Variants in HEPH observed in about 807,000 individuals in gnomAD.
The protein encoded by HEPH is hephaestin.
In HEPH, 69 loss-of-function variants were observed where a neutral mutation model predicts 80.8. The ratio of observed to expected loss-of-function variants is 0.85; its 90% CI spans 0.70 to 1.04. The LOEUF (loss-of-function observed/expected upper bound fraction) is 1.04, where lower values mean the gene tolerates loss of function less well. Ranked by LOEUF, HEPH falls within the 50% of genes least tolerant of loss-of-function variation. HEPH has a pLI of 0.00. For synonymous variants in HEPH, 431 were observed against 322.8 expected (o/e 1.34, Z -3.60); for missense variants, 1,115 against 891.3 (o/e 1.25, Z -3.20).
intron 4 of HEPH, among the ~76,000 whole-genome samples, chrX:66,176,542 A>T (rs927987990): frequency 9.0e-6 from 1 of 111,243 alleles, no homozygotes; most frequent in Non-Finnish European, 1.9e-5. Flanking sequence ...GTACATGTGC[A>T]CAATGTACAG....
intron 15 of HEPH, among the ~76,000 whole-genome samples, chrX:66,234,097 T>A (rs2090263284): frequency 9.1e-6 from 1 of 110,270 alleles, no homozygotes; most frequent in African/African-American, 3.3e-5. Context: ...GTGTCTGTTG[T>A]TCCCTGATAT....
Position 66,197,870 on chromosome X carries a change from T to A in HEPH, c.1689T>A (p.Gly563=). ...LVGPLLVCRA[G]ALGADGKQKG... is the part of the protein sequence containing the mutation. ...GCCCGCTGCTGGTGTGCAGGGCTGG[T>A]GCCTTGGGTGCAGATGGCAAGCAGG... is the stretch of plus-strand genomic sequence containing the variant. Residue 563 remains glycine (G), a synonymous_variant, in exon 10 of 21, where the codon GGT becomes GGA. Coordinates refer to ENST00000343002, the MANE Select transcript of HEPH (RefSeq NM_001367233.3). 8.3e-7 allele frequency: 1 copy of A among 1,202,278 alleles called. No homozygotes were observed.
intron 9 of HEPH, among the ~76,000 whole-genome samples, chrX:66,195,809 A>G (rs1826125738): frequency 1.8e-5 from 2 of 111,965 alleles, no homozygotes; most frequent in South Asian, 7.4e-4. Context: ...GAATGCATAT[A>G]TCCTAGCTTG....
downstream of HEPH, chrX:66,268,719 A>G (rs970971821): frequency 4.5e-5 from 5 of 111,746 alleles, no homozygotes; most frequent in African/African-American, 1.6e-4. Context: ...GTCAAGGAAT[A>G]GAAACTCAGA....
chrX:66,179,976 A>G (rs192576413), intron 4 of HEPH, among the ~76,000 whole-genome samples: 37 of 110,412 alleles, frequency 3.4e-4, no homozygotes, highest in Non-Finnish European at 5.7e-4. Context: ...GTGAGTCCTT[A>G]TGTGTTAGGT....
chrX:66,163,668 C>T (rs558164634), upstream of HEPH, among the ~76,000 whole-genome samples: 2 of 111,214 alleles, frequency 1.8e-5, no homozygotes, highest in African/African-American at 6.5e-5. Flanking sequence ...GTGGTGGTTT[C>T]ATGGTTAAAA....
intron 4 of HEPH, among the ~76,000 whole-genome samples, chrX:66,186,564 G>A (rs907085621): frequency 1.2e-4 from 13 of 112,598 alleles, no homozygotes; most frequent in East Asian, 2.8e-4. Flanking sequence ...TTCGGCTCGC[G>A]CATGGTGCGC....
At chrX:66,255,167 G>A (rs746385178) in intron 16 of HEPH, 26 bp downstream of exon 16, 46 of 1,071,524 alleles carry the variant, frequency 4.3e-5, no homozygotes, top group Non-Finnish European at 5.8e-5. Context: ...GCTACCTGGA[G>A]GTGGGTCAAA....
chrX:66,216,039 C>A (rs2147900094), intron 15 of HEPH, among the ~76,000 whole-genome samples: 1 of 111,655 alleles, frequency 9.0e-6, no homozygotes, highest in South Asian at 3.8e-4. Flanking sequence ...CACTTGCATC[C>A]CCCAAAGCAG....
chrX:66,225,866 C>T (rs761315952), intron 15 of HEPH, among the ~76,000 whole-genome samples: 9 of 112,578 alleles, frequency 8.0e-5, no homozygotes, highest in Non-Finnish European at 1.5e-4. Context: ...ACAGATAAAA[C>T]CCCTCAGACA....
At chrX:66,262,717 C>T (rs2091409160) in intron 19 of HEPH, among the ~76,000 whole-genome samples, 1 of 111,318 alleles carries the variant, frequency 9.0e-6, no homozygotes, top group African/African-American at 3.3e-5. Context: ...CTTGGAGTCT[C>T]ACTTGGTCAG....
intron 15 of HEPH, among the ~76,000 whole-genome samples, chrX:66,235,639 A>G (rs977169627): frequency 3.6e-5 from 4 of 111,815 alleles, no homozygotes; most frequent in Admixed American, 9.5e-5. Flanking sequence ...AGGTATTGTG[A>G]TGCCTCCAGC....
intron 15 of HEPH, among the ~76,000 whole-genome samples, chrX:66,227,725 C>G (rs1372779298): frequency 9.0e-6 from 1 of 111,542 alleles, no homozygotes; most frequent in Non-Finnish European, 1.9e-5. Flanking sequence ...GGCTTTATTT[C>G]TGGTTCTCTA....
rs774205550 is a variant in HEPH at position 66,225,647 on chromosome X, G to T, written c.2563+17401G>T. Among the ~76,000 whole-genome samples, 194 of 112,224 alleles carry T rather than the reference G, an allele frequency of 1.7e-3. 2 individuals are homozygous for T. Among genetic ancestry groups the T allele is most frequent in the Middle Eastern group, 4.7e-3 (1 of 212 alleles). ...AGCCACTGCATTGATCCTCCACAGGGGCCTGCCATGCGCTGCTCTGGCAAG... is the reference window on the plus strand; with the variant it reads ...AGCCACTGCATTGATCCTCCACAGGTGCCTGCCATGCGCTGCTCTGGCAAG... On this transcript the variant is annotated intron_variant, in intron 15 of 20. Transcript: ENST00000343002.
At chrX:66,212,242 C>T (rs1368961787) in intron 15 of HEPH, among the ~76,000 whole-genome samples, 4 of 104,878 alleles carry the variant, frequency 3.8e-5, no homozygotes, top group Admixed American at 1.0e-4. Flanking sequence ...TAGTATTAGT[C>T]TCCTGTCAAA....
intron 4 of HEPH, among the ~76,000 whole-genome samples, chrX:66,177,077 G>C: frequency 9.0e-6 from 1 of 111,443 alleles, no homozygotes; most frequent in Non-Finnish European, 1.9e-5. Flanking sequence ...ATCTGACGAA[G>C]GGCTAATATC....
intron 15 of HEPH, among the ~76,000 whole-genome samples, chrX:66,249,929 G>T: frequency 9.0e-6 from 1 of 111,552 alleles, no homozygotes; most frequent in Non-Finnish European, 1.9e-5. Flanking sequence ...GTGTAGAATA[G>T]AGTAACAGGC....
intron 2 of HEPH, 65 bp from the exon 3 acceptor site, chrX:66,172,290 G>A: frequency 5.5e-6 from 6 of 1,096,601 alleles, no homozygotes; most frequent in Non-Finnish European, 7.2e-6. Flanking sequence ...GTATCCTCTG[G>A]AAAAGGAACC....
At chrX:66,171,839 G>C (rs1437033830) in intron 2 of HEPH, among the ~76,000 whole-genome samples, 2 of 111,592 alleles carry the variant, frequency 1.8e-5, no homozygotes, top group Non-Finnish European at 3.8e-5. Flanking sequence ...GTCTGAGTTA[G>C]GAACTATGAT....
Sources: allele counts gnomAD v4.1 joint callset (sites outside exome capture counted in the v4.1 genomes callset), GRCh38; gene constraint gnomAD v4.1.1; transcripts MANE v1.5; gene names NCBI Gene and HGNC (gene_info 2026-07-23, HGNC 2026-07-21).